Variants in MED13L observed in about 807,000 individuals in gnomAD.
MED13L encodes mediator complex subunit 13L, also known as mediator of RNA polymerase II transcription subunit 13-like.
MED13L carries 7 observed loss-of-function variants against 220.9 expected under a neutral mutation model. The ratio of observed to expected loss-of-function variants is 0.03; its 90% CI spans 0.02 to 0.06. The LOEUF (loss-of-function observed/expected upper bound fraction) is 0.06, where lower values mean the gene tolerates loss of function less well. Ranked by LOEUF, MED13L falls within the 10% of genes least tolerant of loss-of-function variation. MED13L has a pLI of 1.00. For missense variants in MED13L, 1,965 were observed against 2,760.5 expected (o/e 0.71, Z 6.46); for synonymous variants, 1,011 against 1,015.2 (o/e 1.00, Z 0.08).
chr12:116,006,297 T>C lies in MED13L; in HGVS notation c.2344+9A>G, dbSNP rs1566005448. 8.1e-6 allele frequency: 13 copies of C among 1,610,150 alleles called. No homozygotes were observed. The highest frequency in any genetic ancestry group is 1.1e-5 in the Non-Finnish European group (13 of 1,176,412). On this transcript the variant is annotated intron_variant, in intron 12 of 30. Transcript: ENST00000281928. ...CAATCCAAGTGAGGCAAATAATCAT[T>C]GTACACACCTGTTTTAGTAGCAGAA... is the stretch of plus-strand genomic sequence containing the variant.
At chr12:116,141,781 C>G (rs1195384335) in intron 2 of MED13L, among the ~76,000 whole-genome samples, 3 of 152,034 alleles carry the variant, frequency 2.0e-5, no homozygotes, top group African/African-American at 2.4e-5. Flanking sequence ...TAGAGGAATC[C>G]CTTAAAATGG....
intron 3 of MED13L, among the ~76,000 whole-genome samples, chr12:116,101,890 A>G (rs914917776): frequency 6.6e-6 from 1 of 152,202 alleles, no homozygotes; most frequent in Non-Finnish European, 1.5e-5. Context: ...CTATATATCA[A>G]TTAACCTTGG....
At chr12:116,031,754 A>AG (rs1880833127) in intron 4 of MED13L, among the ~76,000 whole-genome samples, 13 of 82,882 alleles carry the variant, frequency 1.6e-4, no homozygotes, top group Non-Finnish European at 9.6e-5. Flanking sequence ...AGAAAAGAAA[A>AG]GAAAAGAAGG....
At chr12:115,973,146 G>C (rs1246947595) in intron 25 of MED13L, among the ~76,000 whole-genome samples, 1 of 152,122 alleles carries the variant, frequency 6.6e-6, no homozygotes, top group Non-Finnish European at 1.5e-5. Context: ...AAGTGGCCAG[G>C]AACATGAAGA....
At chr12:116,083,671 A>C (rs942684604) in intron 4 of MED13L, among the ~76,000 whole-genome samples, 2 of 152,196 alleles carry the variant, frequency 1.3e-5, no homozygotes, top group Admixed American at 6.5e-5. Context: ...TCACTTCCTG[A>C]AAACGCTGCA....
At chr12:116,202,093 G>T (rs186207085) in intron 2 of MED13L, among the ~76,000 whole-genome samples, 1 of 152,152 alleles carries the variant, frequency 6.6e-6, no homozygotes, top group Admixed American at 6.5e-5. Flanking sequence ...TGAGTTCAGC[G>T]TCAATGGAAT....
chr12:116,022,672 G>C (rs1297594939), intron 4 of MED13L, 71 bp from the exon 5 acceptor site: 27 of 1,486,158 alleles, frequency 1.8e-5, no homozygotes, highest in Non-Finnish European at 2.5e-5. Context: ...AGGAACTACA[G>C]GTAAGATACA....
At chr12:116,236,869 G>A (rs1870129680) in intron 2 of MED13L, 1 of 984,992 alleles carries the variant, frequency 1.0e-6, no homozygotes, top group Non-Finnish European at 1.2e-6. Context: ...TAAAAATCAG[G>A]CAACACCGGA....
intron 4 of MED13L, among the ~76,000 whole-genome samples, chr12:116,065,592 T>C (rs1869858408): frequency 1.3e-5 from 2 of 152,226 alleles, no homozygotes; most frequent in Non-Finnish European, 2.9e-5. Context: ...ATAAACAGTT[T>C]ATAAGATTCT....
intron 11 of MED13L, chr12:116,006,817 A>C: frequency 5.0e-6 from 1 of 200,668 alleles, no homozygotes; most frequent in South Asian, 9.8e-5. Flanking sequence ...GGCCTCTTAT[A>C]ATTGTTTTAT....
intron 4 of MED13L, among the ~76,000 whole-genome samples, chr12:116,024,515 T>C (rs759593918): frequency 3.9e-5 from 6 of 152,196 alleles, no homozygotes; most frequent in Non-Finnish European, 5.9e-5. Context: ...TCCTTAGATA[T>C]TCCAGATATT....
Position 116,188,943 on chromosome 12 carries a change from CAGTTT to C in MED13L, c.310+48520_310+48524del, listed in dbSNP as rs1881083628. 2.6e-5 allele frequency among the ~76,000 whole-genome samples: 4 copies of C among 152,280 alleles called. No homozygotes were observed. In the South Asian group the frequency reaches 8.3e-4, roughly 32 times the overall value. ...AGTAGTATTATATTGTATGGATATA[CAGTTT>C]AACCTTTCATCTGCTGAAGGAGACC... On this transcript the variant is annotated intron_variant, in intron 2 of 30. Coordinates refer to ENST00000281928, the MANE Select transcript of MED13L (RefSeq NM_015335.5).
chr12:116,132,948 G>GAAGA (rs1353291700), intron 2 of MED13L, among the ~76,000 whole-genome samples: 1 of 152,158 alleles, frequency 6.6e-6, no homozygotes, highest in Non-Finnish European at 1.5e-5. Context: ...GGGAGGAAAG[G>GAAGA]AAGAAAGAGG....
rs1359724783 is a variant in MED13L at position 116,096,719 on chromosome 12, C to T, written c.429G>A (p.Gly143=). 13 of 1,613,926 alleles carry T rather than the reference C, an allele frequency of 8.1e-6. No individual in the cohort carries two copies. Among genetic ancestry groups the T allele is most frequent in the Non-Finnish European group, 1.1e-5 (13 of 1,179,906 alleles). ...TTTCGTAGGGTCGGACAAACCATTTCCCAATCCTAACGAAGTTCTTATCCA... is the reference window on the plus strand; with the variant it reads ...TTTCGTAGGGTCGGACAAACCATTTTCCAATCCTAACGAAGTTCTTATCCA... ...CLMDKNFVRI[G]KWFVRPYEKD... Residue 143 remains glycine (G), a synonymous_variant, in exon 4 of 31, where the codon GGG becomes GGA. Transcript: ENST00000281928.
At chr12:116,196,106 G>GA (rs1158356086) in intron 2 of MED13L, among the ~76,000 whole-genome samples, 1 of 151,576 alleles carries the variant, frequency 6.6e-6, no homozygotes, top group Non-Finnish European at 1.5e-5. Context: ...AATGAGAAAA[G>GA]AAAAAATTAC....
intron 2 of MED13L, among the ~76,000 whole-genome samples, chr12:116,119,021 T>A (rs1874777261): frequency 6.6e-6 from 1 of 152,140 alleles, no homozygotes; most frequent in South Asian, 2.1e-4. Flanking sequence ...TACATATAAA[T>A]GGGGAGGTGG....
intron 13 of MED13L, 60 bp from the exon 14 acceptor site, chr12:116,003,162 A>G (rs1592936418): frequency 7.0e-7 from 1 of 1,431,866 alleles, no homozygotes; most frequent in Non-Finnish European, 9.8e-7. Flanking sequence ...GCAGCATTCA[A>G]ATATTTCCTA....
chr12:116,051,922 T>C (rs932206144), intron 4 of MED13L, among the ~76,000 whole-genome samples: 2 of 152,144 alleles, frequency 1.3e-5, no homozygotes, highest in African/African-American at 4.8e-5. Context: ...AGATGAAACA[T>C]AGCCAAATTT....
At chr12:116,160,650 C>T (rs1358453425) in intron 2 of MED13L, among the ~76,000 whole-genome samples, 1 of 152,048 alleles carries the variant, frequency 6.6e-6, no homozygotes, top group Non-Finnish European at 1.5e-5. Context: ...ATCAGAGCTC[C>T]CTGTAGCCTC....
Sources: allele counts gnomAD v4.1 joint callset (sites outside exome capture counted in the v4.1 genomes callset), GRCh38; gene constraint gnomAD v4.1.1; transcripts MANE v1.5; gene names NCBI Gene and HGNC (gene_info 2026-07-23, HGNC 2026-07-21).